Variants in BRINP3 observed in about 807,000 individuals in gnomAD.
BRINP3 encodes BMP/retinoic acid inducible neural specific 3, also known as BMP/retinoic acid-inducible neural-specific protein 3.
BRINP3 carries 19 observed loss-of-function variants against 71.0 expected under a neutral mutation model. The observed-to-expected ratio is 0.27, with a 90% CI of 0.19 to 0.39. The LOEUF (loss-of-function observed/expected upper bound fraction) is 0.39. Among genes scored for constraint, BRINP3 ranks in the 10% least tolerant of loss-of-function variants. The pLI is 1.00. For missense variants in BRINP3, 959 were observed against 940.8 expected, an observed-to-expected ratio of 1.02 and a Z score of -0.25; for synonymous variants, 380 against 337.7, an observed-to-expected ratio of 1.13 and a Z score of -1.37.
chr1:190,369,688 T>C (rs1187589842), intron 2 of BRINP3, among the ~76,000 whole-genome samples: 2 of 151,920 alleles, frequency 1.3e-5, no homozygotes, highest in African/African-American at 4.8e-5. Flanking sequence ...TTTTAATAGA[T>C]AGAGTATTTA....
At chr1:190,172,227 A>T (rs1292247120) in intron 6 of BRINP3, among the ~76,000 whole-genome samples, 2 of 150,720 alleles carry the variant, frequency 1.3e-5, no homozygotes, top group Admixed American at 1.3e-4. Flanking sequence ...TTTGGGTGAC[A>T]AATAAATGCC....
intron 3 of BRINP3, among the ~76,000 whole-genome samples, chr1:190,277,113 A>ATATATATATATATATATATATATTTATT (rs746851050): frequency 8.4e-5 from 9 of 107,478 alleles, no homozygotes; most frequent in Admixed American, 8.0e-4. Flanking sequence ...ATATATATAT[A>ATATATATATATATATATATATATTTATT]TATATTTATA....
At position 190,185,942 on chromosome 1, in the gene BRINP3, A is replaced by G. The variant is rs145558913; in HGVS notation, c.962-25052T>C. 5.4e-3 allele frequency among the ~76,000 whole-genome samples: 824 copies of G among 152,300 alleles called. 6 individuals are homozygous for G. Among genetic ancestry groups the G allele is most frequent in the African/African-American group, 0.018 (751 of 41,580 alleles). ...ACTGAATGTTCCCAACAAAAAGGAA[A>G]GAGGTTTGTTTGAGATAATGAATAC... On this transcript the variant is annotated intron_variant, in intron 6 of 7. Transcript: ENST00000367462.
At chr1:190,460,557 A>T (rs1033210075) in intron 1 of BRINP3, among the ~76,000 whole-genome samples, 1 of 152,166 alleles carries the variant, frequency 6.6e-6, no homozygotes, top group Non-Finnish European at 1.5e-5. Flanking sequence ...TTATTGATCA[A>T]TTGCAATGTG....
intron 2 of BRINP3, among the ~76,000 whole-genome samples, chr1:190,325,497 T>G (rs1260650234): frequency 6.6e-6 from 1 of 152,024 alleles, no homozygotes; most frequent in Non-Finnish European, 1.5e-5. Context: ...TCATCGGAAG[T>G]AGATATTGAA....
chr1:190,358,970 T>C lies in BRINP3; in HGVS notation c.237-77220A>G, dbSNP rs368821910. Among the ~76,000 whole-genome samples the C allele has an allele frequency of 1.8e-3, 277 of 151,784 alleles. 3 individuals carry two copies. The highest frequency in any genetic ancestry group is 6.2e-3 in the African/African-American group (257 of 41,416). ...GGTGGGAATTGAACAACGAGAACAC[T>C]TGGACACAGGAAGGGGAACATCACA... On this transcript the variant is annotated intron_variant, in intron 2 of 7. Transcript: ENST00000367462.
intron 4 of BRINP3, among the ~76,000 whole-genome samples, chr1:190,251,909 C>A (rs1049746416): frequency 6.7e-6 from 1 of 150,014 alleles, no homozygotes; most frequent in African/African-American, 2.5e-5. Flanking sequence ...TGTAGGCAAA[C>A]TAATCCAGTT....
At chr1:190,421,983 C>T (rs1558272377) in intron 2 of BRINP3, among the ~76,000 whole-genome samples, 1 of 151,852 alleles carries the variant, frequency 6.6e-6, no homozygotes, top group African/African-American at 2.4e-5. Flanking sequence ...CTCCATCTAG[C>T]ACCCATTTCT....
At chr1:190,385,006 G>A (rs888920722) in intron 2 of BRINP3, among the ~76,000 whole-genome samples, 6 of 151,926 alleles carry the variant, frequency 3.9e-5, no homozygotes, top group African/African-American at 1.4e-4. Context: ...TGGGAAAACT[G>A]GCTAGCCATA....
chr1:190,171,154 AG>A (rs974025336), intron 6 of BRINP3, among the ~76,000 whole-genome samples: 3 of 152,134 alleles, frequency 2.0e-5, no homozygotes, highest in Admixed American at 2.0e-4. Flanking sequence ...CCCTGGCCTA[AG>A]CGGTCAGTGT....
chr1:190,327,369 GAAAGA>G (rs1263253679), intron 2 of BRINP3, among the ~76,000 whole-genome samples: 3 of 68,648 alleles, frequency 4.4e-5, no homozygotes, highest in Admixed American at 1.5e-4. Flanking sequence ...AAAAAAGAAA[GAAAGA>G]AAAGAAAAGA....
chr1:190,359,101 G>A (rs1668953838), intron 2 of BRINP3, among the ~76,000 whole-genome samples: 1 of 151,894 alleles, frequency 6.6e-6, no homozygotes, highest in South Asian at 2.1e-4. Context: ...TATGACACAT[G>A]TATACATATG....
rs758474926 is a variant in BRINP3 at position 190,098,804 on chromosome 1, G to A, written c.1515C>T (p.Asp505=). Residue 505 remains aspartate, a synonymous_variant, in exon 8 of 8, where the codon GAC becomes GAT. Coordinates refer to ENST00000367462, the MANE Select transcript of BRINP3 (RefSeq NM_199051.3). ...LEMKYLLQKT[D]RRIEVHAIFI... ...AAATGGCATGGACTTCTATTCGTCT[G>A]TCCGTTTTCTGCAGCAGATATTTCA... 6.2e-7 allele frequency: 1 copy of A among 1,614,210 alleles called. No individual in the cohort carries two copies. Among genetic ancestry groups the A allele is most frequent in the Non-Finnish European group, 8.5e-7 (1 of 1,180,052 alleles).
intron 6 of BRINP3, among the ~76,000 whole-genome samples, chr1:190,169,846 A>G (rs1219317035): frequency 2.6e-5 from 4 of 152,150 alleles, no homozygotes; most frequent in Non-Finnish European, 5.9e-5. Context: ...TAGTGTTTCC[A>G]TATGTGCTGT....
rs538447822 is a variant in BRINP3 at position 190,099,265 on chromosome 1, A to T, written c.1185-131T>A. On this transcript the variant is annotated intron_variant, in intron 7 of 7. Coordinates refer to ENST00000367462, the MANE Select transcript of BRINP3 (RefSeq NM_199051.3). ...CAGCCAGTAATTTAAATGAAATAAAAGATTCATAGAGCTCATAATTAGACT... is the reference window on the plus strand; with the variant it reads ...CAGCCAGTAATTTAAATGAAATAAATGATTCATAGAGCTCATAATTAGACT... 1.2e-5 allele frequency: 10 copies of T among 821,466 alleles called. No individual in the cohort carries two copies. In the South Asian group the frequency reaches 1.8e-4, roughly 15 times the overall value. The allele number at this position is 821,466 out of a possible 1,614,324, so 50.9% of individuals were successfully genotyped here.
intron 2 of BRINP3, among the ~76,000 whole-genome samples, chr1:190,442,870 G>A (rs1457036266): frequency 7.0e-6 from 1 of 142,810 alleles, no homozygotes; most frequent in East Asian, 2.3e-4. Flanking sequence ...CAATAAAATA[G>A]TGAAATACTT....
At chr1:190,371,047 A>AT (rs1161256117) in intron 2 of BRINP3, among the ~76,000 whole-genome samples, 1 of 152,068 alleles carries the variant, frequency 6.6e-6, no homozygotes, top group Non-Finnish European at 1.5e-5. Flanking sequence ...TTGCTATTGA[A>AT]TTGAATTCCT....
intron 6 of BRINP3, among the ~76,000 whole-genome samples, chr1:190,178,310 T>A (rs1327500910): frequency 1.3e-5 from 2 of 152,172 alleles, no homozygotes; most frequent in East Asian, 3.8e-4. Flanking sequence ...ATATTTATAT[T>A]TTTAACTCAT....
At chr1:190,460,109 C>T (rs1026992576) in intron 1 of BRINP3, among the ~76,000 whole-genome samples, 3 of 151,812 alleles carry the variant, frequency 2.0e-5, no homozygotes, top group Non-Finnish European at 4.4e-5. Flanking sequence ...CTTACTAATA[C>T]TGAAGCTTAT....
Sources: allele counts gnomAD v4.1 joint callset (sites outside exome capture counted in the v4.1 genomes callset), GRCh38; gene constraint gnomAD v4.1.1; transcripts MANE v1.5; gene names NCBI Gene and HGNC (gene_info 2026-07-23, HGNC 2026-07-21).